The following MAD1L1 variants were observed in gnomAD, a reference collection of about 807,000 sequenced individuals.
The protein encoded by MAD1L1 is mitotic spindle assembly checkpoint protein MAD1.
MAD1L1 carries 95 observed loss-of-function variants against 96.9 expected under a neutral mutation model. The ratio of observed to expected loss-of-function variants is 0.98; its 90% CI spans 0.83 to 1.16. The LOEUF is 1.16. Among genes scored for constraint, MAD1L1 ranks in the 50% most tolerant of loss-of-function variants. The pLI, the probability that MAD1L1 is intolerant of heterozygous loss-of-function variation, is 0.00. For synonymous variants in MAD1L1, 473 were observed against 396.6 expected, an observed-to-expected ratio of 1.19 and a Z score of -2.29; for missense variants, 1,007 against 954.4, an observed-to-expected ratio of 1.06 and a Z score of -0.73.
intron 16 of MAD1L1, 148 bp downstream of exon 16, chr7:1,957,481 C>A: frequency 3.8e-6 from 3 of 787,140 alleles, no homozygotes; most frequent in Admixed American, 2.6e-5. Flanking sequence ...CCCTGCCAGG[C>A]AAGGGGGTGC....
chr7:2,034,699 G>A (rs754701309), intron 12 of MAD1L1, among the ~76,000 whole-genome samples: 1 of 152,220 alleles, frequency 6.6e-6, no homozygotes, highest in Non-Finnish European at 1.5e-5. Flanking sequence ...TGGCACCTGC[G>A]CACGTGGGTG....
chr7:2,104,354 G>A (rs1174013259), intron 11 of MAD1L1, among the ~76,000 whole-genome samples: 3 of 152,240 alleles, frequency 2.0e-5, no homozygotes, highest in Non-Finnish European at 2.9e-5. Context: ...GCCCCTCCGC[G>A]AAGGAGAGCC....
chr7:1,952,347 C>T (rs1779536782), intron 16 of MAD1L1, among the ~76,000 whole-genome samples: 1 of 152,180 alleles, frequency 6.6e-6, no homozygotes, highest in Non-Finnish European at 1.5e-5. Flanking sequence ...GGGCGCTTCT[C>T]CTGTCCTTCC....
At position 1,859,441 on chromosome 7, in the gene MAD1L1, G is replaced by A. The variant is rs552929671; in HGVS notation, c.1998+38759C>T. 6.6e-5 allele frequency among the ~76,000 whole-genome samples: 10 copies of A among 152,354 alleles called. 1 individual carries two copies. Among genetic ancestry groups the A allele is most frequent in the African/African-American group, 1.9e-4 (8 of 41,578 alleles). On this transcript the variant is annotated intron_variant, in intron 18 of 18. Coordinates refer to ENST00000265854, the MANE Select transcript of MAD1L1 (RefSeq NM_001013836.2). Reference sequence around the variant, plus strand: ...ATATGTGTTTCGGCTACCGTGCAAAGGGCTTTGAAAAGTCAGTGCTGCCCA... The same window carrying A: ...ATATGTGTTTCGGCTACCGTGCAAAAGGCTTTGAAAAGTCAGTGCTGCCCA...
chr7:1,824,956 C>G (rs181278233), intron 18 of MAD1L1, among the ~76,000 whole-genome samples: 8 of 151,622 alleles, frequency 5.3e-5, no homozygotes, highest in Admixed American at 2.6e-4. Context: ...CACTGCAGCA[C>G]GACACACACT....
chr7:2,023,891 G>A (rs754582561), intron 12 of MAD1L1, among the ~76,000 whole-genome samples: 2 of 152,132 alleles, frequency 1.3e-5, no homozygotes, highest in Non-Finnish European at 2.9e-5. Flanking sequence ...GGAAGTTGCA[G>A]TGAGCCGAGA....
chr7:1,939,266 G>A (rs186586325), intron 16 of MAD1L1, among the ~76,000 whole-genome samples: 11 of 142,304 alleles, frequency 7.7e-5, no homozygotes, highest in Admixed American at 2.8e-4. Flanking sequence ...GACCAGAGGC[G>A]CGCGCACACA....
chr7:2,147,741 G>C (rs1198426637), intron 11 of MAD1L1, among the ~76,000 whole-genome samples: 1 of 152,240 alleles, frequency 6.6e-6, no homozygotes. Context: ...CCCTGAGACA[G>C]AGACCCCATT....
intron 18 of MAD1L1, among the ~76,000 whole-genome samples, chr7:1,835,684 G>A (rs973191198): frequency 3.3e-5 from 5 of 152,152 alleles, no homozygotes; most frequent in Admixed American, 3.3e-4. Context: ...TTTGAGGTGA[G>A]TCCATACAGT....
chr7:1,823,434 G>A (rs1782229751), intron 18 of MAD1L1, among the ~76,000 whole-genome samples: 1 of 152,164 alleles, frequency 6.6e-6, no homozygotes, highest in South Asian at 2.1e-4. Context: ...CACAGTGGAA[G>A]AGCCTGTGAA....
In MAD1L1 at chr7:2,014,566, G is replaced by A. The variant is rs772268138; in HGVS notation, c.1295C>T (p.Thr432Met). 1.4e-5 allele frequency: 22 copies of A among 1,611,710 alleles called. No individual in the cohort carries two copies. The highest frequency in any genetic ancestry group is 1.0e-4 in the Admixed American group (6 of 59,968). ...LTPAEYSPQLTRRMREAEDMV... is the reference protein window; with the variant it reads ...LTPAEYSPQLMRRMREAEDMV... ...ATCCTCAGCCTCCCGCATGCGCCGC[G>A]TCAGCTGGGGTGAGTACTCGGCCGG... is the stretch of plus-strand genomic sequence containing the variant. The change falls in exon 13 of 19, where the codon ACG becomes ATG. Residue 432 changes from threonine to methionine, a missense_variant. Physicochemically the swap from Thr to Met is moderately conservative, Grantham distance 81. Coordinates refer to ENST00000265854, the MANE Select transcript of MAD1L1 (RefSeq NM_001013836.2).
chr7:1,980,159 C>T (rs757142224), intron 15 of MAD1L1, among the ~76,000 whole-genome samples: 8 of 152,210 alleles, frequency 5.3e-5, no homozygotes, highest in Non-Finnish European at 1.2e-4. Context: ...CTCCCCTCCT[C>T]TGGAAAGGGC....
intron 11 of MAD1L1, among the ~76,000 whole-genome samples, chr7:2,130,895 G>A (rs948177501): frequency 3.9e-5 from 6 of 152,176 alleles, no homozygotes; most frequent in African/African-American, 9.7e-5. Flanking sequence ...CATCGAATCC[G>A]ATCTTTCTAA....
intron 18 of MAD1L1, among the ~76,000 whole-genome samples, chr7:1,824,444 C>T (rs1417367658): frequency 6.6e-6 from 1 of 152,228 alleles, no homozygotes; most frequent in Non-Finnish European, 1.5e-5. Flanking sequence ...ACACAGAGCA[C>T]AGTGGGATGA....
chr7:1,861,269 C>T (rs1237872819), intron 18 of MAD1L1, among the ~76,000 whole-genome samples: 1 of 152,206 alleles, frequency 6.6e-6, no homozygotes, highest in Non-Finnish European at 1.5e-5. Flanking sequence ...CCGGGCTGGT[C>T]CCCCTCTAGG....
chr7:1,923,367 G>A (rs998117937), intron 17 of MAD1L1, among the ~76,000 whole-genome samples: 2 of 151,550 alleles, frequency 1.3e-5, no homozygotes, highest in African/African-American at 4.8e-5. Flanking sequence ...GTCAAGAGAA[G>A]CCTGAGAGGC....
At chr7:1,928,630 G>A (rs1340663704) in intron 17 of MAD1L1, among the ~76,000 whole-genome samples, 2 of 152,362 alleles carry the variant, frequency 1.3e-5, no homozygotes, top group Middle Eastern at 3.4e-3. Flanking sequence ...CTGCCGAACA[G>A]GGCTGGAGCC....
chr7:2,196,283 C>G (rs971808173), intron 10 of MAD1L1, among the ~76,000 whole-genome samples: 6 of 152,222 alleles, frequency 3.9e-5, no homozygotes, highest in African/African-American at 1.4e-4. Context: ...ATCCTGCCAG[C>G]AAAGTGAAGA....
chr7:2,148,420 C>T, intron 11 of MAD1L1: 1 of 153,264 alleles, frequency 6.5e-6, no homozygotes. Context: ...GGGTTCAGTC[C>T]CTCATGGTAG....
Sources: allele counts gnomAD v4.1 joint callset (sites outside exome capture counted in the v4.1 genomes callset), GRCh38; gene constraint gnomAD v4.1.1; transcripts MANE v1.5; gene names NCBI Gene and HGNC (gene_info 2026-07-23, HGNC 2026-07-21).